Variants in DEFB108B observed in about 807,000 individuals in gnomAD.
DEFB108B encodes defensin beta 108B, also known as beta-defensin 108B.
In DEFB108B, 3 loss-of-function variants were observed where a neutral mutation model predicts 2.4. That is an observed-to-expected ratio of 1.25 (90% CI 0.57 to 3.24). The LOEUF is 3.24. Among genes scored for constraint, DEFB108B ranks in the 30% most tolerant of loss-of-function variants. DEFB108B has a pLI of 0.03. For missense variants in DEFB108B, 101 were observed against 87.8 expected (o/e 1.15, Z -0.60); for synonymous variants, 25 against 28.7 (o/e 0.87, Z 0.41).
At chr11:71,836,132 AAAGG>A (rs1230116374) in intron 1 of DEFB108B, among the ~76,000 whole-genome samples, 6 of 152,186 alleles carry the variant, frequency 3.9e-5, no homozygotes, top group Non-Finnish European at 8.8e-5. Flanking sequence ...CTTACAGATA[AAAGG>A]AAGAGATGGA....
chr11:71,835,732 T>G (rs1295692750), intron 1 of DEFB108B, among the ~76,000 whole-genome samples: 1 of 152,068 alleles, frequency 6.6e-6, no homozygotes, highest in Non-Finnish European at 1.5e-5. Context: ...GAACCGAGAG[T>G]AACAACAAAT....
chr11:71,834,684 T>A (rs994196522), intron 1 of DEFB108B: 2 of 152,210 alleles, frequency 1.3e-5, no homozygotes, highest in African/African-American at 4.8e-5. Context: ...AACTGCAAAC[T>A]TTTTGTAGAA....
In DEFB108B at chr11:71,837,385, T is replaced by A. The variant is rs7123813; in HGVS notation, c.59-14T>A. On this transcript the variant is annotated splice_polypyrimidine_tract_variant and intron_variant, in intron 1 of 1. Coordinates refer to ENST00000328698, the MANE Select transcript of DEFB108B (RefSeq NM_001002035.2). ...GACTGGTGAATGGTTACAATAACCC[T>A]CTTCTTCATGTAGCCAGGGGCAAAT... 1.2e-6 allele frequency: 2 copies of A among 1,611,502 alleles called. No individual in the cohort carries two copies. The highest frequency in any genetic ancestry group is 2.2e-5 in the East Asian group (1 of 44,874).
At chr11:71,837,211 C>CA in intron 1 of DEFB108B, 188 bp from the exon 2 acceptor site, 1 of 774,210 alleles carries the variant, frequency 1.3e-6, no homozygotes, top group Non-Finnish European at 2.0e-6. Context: ...TCAAGAACAC[C>CA]AAAAAATCCA....
At chr11:71,837,288 A>G (rs1384271920) in intron 1 of DEFB108B, 111 bp from the exon 2 acceptor site, 27 of 1,347,456 alleles carry the variant, frequency 2.0e-5, no homozygotes, top group Middle Eastern at 2.6e-4. Flanking sequence ...ACACACACAC[A>G]CACAAATCCA....
intron 1 of DEFB108B, among the ~76,000 whole-genome samples, chr11:71,836,646 T>A (rs1369101064): frequency 2.0e-5 from 3 of 152,184 alleles, no homozygotes; most frequent in Non-Finnish European, 4.4e-5. Context: ...TTTCAACAAG[T>A]ATAGTTTTTC....
At chr11:71,835,174 G>T (rs1952208423) in intron 1 of DEFB108B, among the ~76,000 whole-genome samples, 2 of 152,136 alleles carry the variant, frequency 1.3e-5, no homozygotes, top group South Asian at 2.1e-4. Flanking sequence ...GAGGTTTGGG[G>T]TATGAATAAC....
rs1237543305 is a variant in DEFB108B, at chr11:71,833,222, T to G, written c.23T>G (p.Phe8Cys). Residue 8 changes from phenylalanine to cysteine, a missense_variant, in exon 1 of 2, where the codon TTC becomes TGC. Phe to Cys is a radical substitution (Grantham distance 205). Coordinates refer to ENST00000328698, the MANE Select transcript of DEFB108B (RefSeq NM_001002035.2). ...GCCATGAGGATTGCTGTCCTCCTCT[T>G]CGCCATTTTCTTCTTTATGAGCCAA... MRIAVLL[F>C]AIFFFMSQVL... The G allele has an allele frequency of 6.2e-7, 1 of 1,603,832 alleles. No individual in the cohort carries two copies. The highest frequency in any genetic ancestry group is 1.7e-5 in the Admixed American group (1 of 59,410).
At chr11:71,834,107 T>C (rs1464262716) in intron 1 of DEFB108B, among the ~76,000 whole-genome samples, 1 of 152,194 alleles carries the variant, frequency 6.6e-6, no homozygotes, top group African/African-American at 2.4e-5. Flanking sequence ...TGAAGTGCTT[T>C]TCTCAACAGT....
At chr11:71,834,435 T>G (rs544808801) in intron 1 of DEFB108B, among the ~76,000 whole-genome samples, 2 of 152,360 alleles carry the variant, frequency 1.3e-5, no homozygotes, top group Admixed American at 1.3e-4. Context: ...AAATCAATGC[T>G]TTTAATCAAG....
intron 1 of DEFB108B, among the ~76,000 whole-genome samples, chr11:71,836,485 A>G (rs1952219421): frequency 6.6e-6 from 1 of 152,180 alleles, no homozygotes; most frequent in Non-Finnish European, 1.5e-5. Flanking sequence ...TACCTCTCTT[A>G]TTGCCAAGAA....
intron 1 of DEFB108B, among the ~76,000 whole-genome samples, chr11:71,836,024 T>C (rs1952214243): frequency 6.6e-6 from 1 of 152,178 alleles, no homozygotes; most frequent in South Asian, 2.1e-4. Context: ...GTTCATCCTC[T>C]ACACTATACT....
In DEFB108B at chr11:71,837,329, C is replaced by T. The variant is rs189733674; in HGVS notation, c.59-70C>T. ...GATTATTTTCAAGCACTGCCCCCTACATCCATGTAATTCAACACAAAGTAA... is the reference window on the plus strand; with the variant it reads ...GATTATTTTCAAGCACTGCCCCCTATATCCATGTAATTCAACACAAAGTAA... On this transcript the variant is annotated intron_variant, in intron 1 of 1. Transcript: ENST00000328698. 3.4e-5 allele frequency: 54 copies of T among 1,566,758 alleles called. No individual in the cohort carries two copies. In the African/African-American group the frequency reaches 5.9e-4, roughly 17 times the overall value.
Position 71,837,443 on chromosome 11 carries a change from T to G in DEFB108B, c.103T>G (p.Cys35Gly). The change falls in exon 2 of 2, where the codon TGT becomes GGT. Residue 35 changes from cysteine to glycine, a missense_variant. Transcript: ENST00000328698. ...KEICERPNGS[C>G]RDFCLETEIH... ...GATCTGTGAACGTCCAAATGGCTCC[T>G]GTCGGGACTTTTGCCTTGAAACAGA... is the stretch of plus-strand genomic sequence containing the variant. The G allele has an allele frequency of 6.2e-7, 1 of 1,612,034 alleles. No homozygotes were observed. Among genetic ancestry groups the G allele is most frequent in the Non-Finnish European group, 8.5e-7 (1 of 1,179,846 alleles).
chr11:71,836,979 TAA>T (rs1952224956), intron 1 of DEFB108B: 1 of 171,236 alleles, frequency 5.8e-6, no homozygotes, highest in East Asian at 1.7e-4. Context: ...TGTGTAGAAA[TAA>T]AAAGAGATGA....
Position 71,833,259 on chromosome 11 carries a change from T to A in DEFB108B, c.58+2T>A, listed in dbSNP as rs753520410. ...TCTTTATGAGCCAAGTTCTACCAGG[T>A]AACAAAATAAACTTGGTAAGAGTAG... is the stretch of plus-strand genomic sequence containing the variant. On this transcript the variant is annotated splice_donor_variant, in intron 1 of 1. Coordinates refer to ENST00000328698, the MANE Select transcript of DEFB108B (RefSeq NM_001002035.2). LOFTEE classifies it high-confidence loss of function. 3.9e-6 allele frequency: 6 copies of A among 1,555,844 alleles called. No individual in the cohort carries two copies. The East Asian group carries it at 1.3e-4, about 35-fold the overall frequency.
intron 1 of DEFB108B, 110 bp downstream of exon 1, chr11:71,833,367 T>C: frequency 6.6e-7 from 1 of 1,504,130 alleles, no homozygotes; most frequent in Middle Eastern, 2.4e-4. Flanking sequence ...TCATAGGAAA[T>C]CTGGAAGACT....
chr11:71,836,311 G>T (rs1426799300), intron 1 of DEFB108B, among the ~76,000 whole-genome samples: 1 of 152,144 alleles, frequency 6.6e-6, no homozygotes, highest in African/African-American at 2.4e-5. Flanking sequence ...GCCACTAACT[G>T]CTTTGTGACC....
chr11:71,834,111 C>G (rs1952199200), intron 1 of DEFB108B, among the ~76,000 whole-genome samples: 1 of 152,184 alleles, frequency 6.6e-6, no homozygotes, highest in Non-Finnish European at 1.5e-5. Flanking sequence ...GTGCTTTTCT[C>G]AACAGTGGGG....
Sources: allele counts gnomAD v4.1 joint callset (sites outside exome capture counted in the v4.1 genomes callset), GRCh38; gene constraint gnomAD v4.1.1; transcripts MANE v1.5; gene names NCBI Gene and HGNC (gene_info 2026-07-23, HGNC 2026-07-21).